UGT1A8: variants seen among roughly 807,000 people sequenced by gnomAD.
UGT1A8 encodes the protein UDP glucuronosyltransferase family 1 member A8, also known as UDP-glucuronosyltransferase 1A8.
A neutral mutation model predicts 45.3 loss-of-function variants in UGT1A8; 39 were observed. That is an observed-to-expected ratio of 0.86 (90% CI 0.67 to 1.12). The LOEUF (loss-of-function observed/expected upper bound fraction) is 1.12. Ranked by LOEUF, UGT1A8 falls within the 50% of genes most tolerant of loss-of-function variation. The probability of loss-of-function intolerance (pLI) is 0.00; values close to 1 mark genes in which losing one functional copy is unlikely to be tolerated. For missense variants in UGT1A8, 719 were observed against 664.9 expected (o/e 1.08, Z -0.90); for synonymous variants, 275 against 249.2 (o/e 1.10, Z -0.97).
chr2:233,690,516 T>C, intron 1 of UGT1A8: 1 of 1,289,796 alleles, frequency 7.8e-7, no homozygotes, highest in Non-Finnish European at 1.0e-6. Flanking sequence ...TTGTTTTATC[T>C]TAGGATCTAC....
In UGT1A8 at chr2:233,677,820, T is replaced by C. The variant is rs146521397; in HGVS notation, c.855+59258T>C. 7.7e-3 allele frequency among the ~76,000 whole-genome samples: 1,165 copies of C among 151,564 alleles called. 12 individuals carry two copies. Among genetic ancestry groups the C allele is most frequent in the Admixed American group, 7.8e-3 (119 of 15,240 alleles). On this transcript the variant is annotated intron_variant, in intron 1 of 4. Coordinates refer to ENST00000373450, the MANE Select transcript of UGT1A8 (RefSeq NM_019076.5). ...ACTGTCATTCGACCCAGCAATCCCATTACTAGATATATGTAAAAAAAATCG... is the reference window on the plus strand; with the variant it reads ...ACTGTCATTCGACCCAGCAATCCCACTACTAGATATATGTAAAAAAAATCG...
chr2:233,757,096 G>T (rs1286563968), intron 1 of UGT1A8, among the ~76,000 whole-genome samples: 1 of 151,374 alleles, frequency 6.6e-6, no homozygotes, highest in Non-Finnish European at 1.5e-5. Flanking sequence ...GAGGCAGAGG[G>T]AGGGGGCAAG....
intron 1 of UGT1A8, among the ~76,000 whole-genome samples, chr2:233,620,090 G>T (rs954522371): frequency 1.3e-5 from 2 of 152,126 alleles, no homozygotes; most frequent in African/African-American, 4.8e-5. Flanking sequence ...CTTCTTATAA[G>T]GTTCAGTAGA....
At chr2:233,695,565 C>A (rs189186940) in intron 1 of UGT1A8, among the ~76,000 whole-genome samples, 60 of 151,312 alleles carry the variant, frequency 4.0e-4, no homozygotes, top group African/African-American at 1.4e-3. Flanking sequence ...ACCATTTTCA[C>A]CCCCCCTTCC....
At chr2:233,756,312 ATCC>A (rs1696175479) in intron 1 of UGT1A8, 1 of 152,140 alleles carries the variant, frequency 6.6e-6, no homozygotes, top group Admixed American at 6.5e-5. Flanking sequence ...ACCTACCCAT[ATCC>A]TCCTTTAAAC....
intron 1 of UGT1A8, among the ~76,000 whole-genome samples, chr2:233,725,055 CGCGCGCCT>C (rs1021966862): frequency 1.4e-5 from 2 of 147,410 alleles, no homozygotes; most frequent in African/African-American, 5.1e-5. Flanking sequence ...GGCGTGGCGG[CGCGCGCCT>C]GCAATCGCAG....
At chr2:233,643,716 G>A (rs926333796) in intron 1 of UGT1A8, among the ~76,000 whole-genome samples, 2 of 152,158 alleles carry the variant, frequency 1.3e-5, no homozygotes, top group African/African-American at 4.8e-5. Context: ...GTAGTACGAG[G>A]TTTCACTGCT....
intron 1 of UGT1A8, chr2:233,729,673 A>C: frequency 3.1e-6 from 5 of 1,613,898 alleles, no homozygotes; most frequent in Non-Finnish European, 4.2e-6. Context: ...TTTAGACTTT[A>C]AGGGCACACA....
intron 1 of UGT1A8, among the ~76,000 whole-genome samples, chr2:233,737,754 T>C (rs1342701991): frequency 6.6e-6 from 1 of 152,182 alleles, no homozygotes; most frequent in Non-Finnish European, 1.5e-5. Context: ...AGTTTTTCAA[T>C]GTGAACATAT....
intron 1 of UGT1A8, among the ~76,000 whole-genome samples, chr2:233,639,655 G>A (rs1473572166): frequency 2.6e-5 from 4 of 152,126 alleles, no homozygotes; most frequent in Non-Finnish European, 5.9e-5. Context: ...CCCTGCACAG[G>A]GGATTTCTTG....
chr2:233,662,426 G>A (rs7585521), intron 1 of UGT1A8, among the ~76,000 whole-genome samples: 6,244 of 152,116 alleles, frequency 0.041, 154 homozygotes, highest in Non-Finnish European at 0.061. Context: ...GACCAACACC[G>A]TTGAAACTCT....
chr2:233,627,702 G>T (rs943184430), intron 1 of UGT1A8, among the ~76,000 whole-genome samples: 1 of 126,986 alleles, frequency 7.9e-6, no homozygotes, highest in African/African-American at 3.0e-5. Flanking sequence ...CTTTTCCACT[G>T]GTCCTTATCT....
chr2:233,645,041 C>T (rs2073562907), intron 1 of UGT1A8, among the ~76,000 whole-genome samples: 1 of 152,130 alleles, frequency 6.6e-6, no homozygotes, highest in Non-Finnish European at 1.5e-5. Context: ...ACCACTTTGA[C>T]ACCTTTAGGG....
intron 1 of UGT1A8, among the ~76,000 whole-genome samples, chr2:233,680,186 T>G (rs899898356): frequency 1.3e-5 from 2 of 152,196 alleles, no homozygotes; most frequent in Admixed American, 1.3e-4. Context: ...TTGGGAGTAC[T>G]TGCAGCATCA....
rs891912546 is a variant in UGT1A8, at chr2:233,648,126, A to G, written c.855+29564A>G. 2.1e-5 allele frequency: 28 copies of G among 1,353,836 alleles called. No homozygotes were observed. The South Asian group carries it at 3.1e-4, about 15-fold the overall frequency. The allele number at this position is 1,353,836 out of a possible 1,614,324, so 83.9% of individuals were successfully genotyped here. A position where few individuals can be genotyped will look rare whatever the true frequency, so the allele number is the denominator to read the frequency against. On this transcript the variant is annotated intron_variant, in intron 1 of 4. Coordinates refer to ENST00000373450, the MANE Select transcript of UGT1A8 (RefSeq NM_019076.5). ...AGTTCATGGCTTTTGCCAATGCTCAATGGGAAGCAGAAGTACGACGCTTAT... is the reference window on the plus strand; with the variant it reads ...AGTTCATGGCTTTTGCCAATGCTCAGTGGGAAGCAGAAGTACGACGCTTAT...
intron 1 of UGT1A8, among the ~76,000 whole-genome samples, chr2:233,668,517 C>T (rs1011126774): frequency 3.3e-5 from 5 of 152,146 alleles, no homozygotes; most frequent in African/African-American, 1.2e-4. Flanking sequence ...AATAAACATA[C>T]GTGTGCATGT....
intron 1 of UGT1A8, among the ~76,000 whole-genome samples, chr2:233,696,681 G>A (rs1297027758): frequency 6.6e-6 from 1 of 152,194 alleles, no homozygotes; most frequent in Non-Finnish European, 1.5e-5. Flanking sequence ...AGTGCTGACA[G>A]TCAGCATCTT....
chr2:233,631,551 C>T (rs535706495), intron 1 of UGT1A8, among the ~76,000 whole-genome samples: 4 of 152,254 alleles, frequency 2.6e-5, no homozygotes, highest in African/African-American at 9.6e-5. Context: ...GAGATGGTAT[C>T]TCATTGTGGT....
At chr2:233,747,339 C>CA (rs1401880990) in intron 1 of UGT1A8, 116 of 1,603,228 alleles carry the variant, frequency 7.2e-5, no homozygotes, top group South Asian at 2.9e-4. Context: ...GCCACTGGCT[C>CA]GCATGCGGGA....
Sources: gnomAD v4.1 joint callset for allele counts (sites outside exome capture counted in the v4.1 genomes callset) on GRCh38, gnomAD v4.1.1 for gene constraint, MANE v1.5 for transcripts, NCBI Gene and HGNC (gene_info 2026-07-23, HGNC 2026-07-21) for gene names.